Variants in OGDH observed in about 807,000 individuals in gnomAD.
The protein encoded by OGDH is 2-oxoglutarate dehydrogenase complex component E1.
In OGDH, 38 loss-of-function variants were observed where a neutral mutation model predicts 116.6. That is an observed-to-expected ratio of 0.33 (90% confidence interval 0.25 to 0.43). OGDH has a LOEUF of 0.43. Among genes scored for constraint, OGDH ranks in the 20% least tolerant of loss-of-function variants. The pLI, the probability that OGDH is intolerant of heterozygous loss-of-function variation, is 1.00. For missense variants in OGDH, 825 were observed against 1,357.2 expected (o/e 0.61, Z 6.16); for synonymous variants, 488 against 533.3 (o/e 0.92, Z 1.17).
At chr7:44,637,818 CA>C (rs59064314) in intron 2 of OGDH, among the ~76,000 whole-genome samples, 2,942 of 117,660 alleles carry the variant, frequency 0.025, 77 homozygotes, top group African/African-American at 0.075. Context: ...GACTCTGTCT[CA>C]AAAAAAAAAA....
intron 2 of OGDH, among the ~76,000 whole-genome samples, chr7:44,639,071 G>A (rs1785803258): frequency 6.6e-6 from 1 of 152,192 alleles, no homozygotes; most frequent in Non-Finnish European, 1.5e-5. Context: ...AAGAAGGGTA[G>A]CTGCCAGGCC....
rs371665967 is a variant in OGDH at position 44,691,981 on chromosome 7, TAAA to T, written c.1336-1822_1336-1820del. The stretch of plus-strand genomic sequence containing the variant: ...TGGGAGTCACAATGAGACTCTGTCT[TAAA>T]AAAAAAAAAAAAAAAAAAAAAGTTT... On this transcript the variant is annotated intron_variant, in intron 10 of 22. Coordinates refer to ENST00000222673, the MANE Select transcript of OGDH (RefSeq NM_002541.4). Among the ~76,000 whole-genome samples, 508 of 102,594 alleles carry T rather than the reference TAAA, an allele frequency of 5.0e-3. 2 individuals carry two copies. Among genetic ancestry groups the T allele is most frequent in the African/African-American group, 0.013 (290 of 22,758 alleles). 67.3% of individuals were successfully genotyped at this position (102,594 alleles called of 152,430 possible).
Position 44,708,692 on chromosome 7 carries a change from G to A in OGDH, c.*693G>A, listed in dbSNP as rs1789194608. 1 of 152,246 alleles carries A rather than the reference G, an allele frequency of 6.6e-6. No individual in the cohort carries two copies. The highest frequency in any genetic ancestry group is 2.1e-4 in the South Asian group (1 of 4,832). The allele number at this position is 152,246 out of a possible 1,614,324, so 9.4% of individuals were successfully genotyped here. A position where few individuals can be genotyped will look rare whatever the true frequency, so the allele number is the denominator to read the frequency against. On this transcript the variant is annotated 3_prime_UTR_variant, in exon 23 of 23. Coordinates refer to ENST00000222673, the MANE Select transcript of OGDH (RefSeq NM_002541.4). ...CCAGGCAGCACCTGGAGCCCACAGAGTCTGTGTGTAGCCAGGAAGCCCCGC... is the reference window on the plus strand; with the variant it reads ...CCAGGCAGCACCTGGAGCCCACAGAATCTGTGTGTAGCCAGGAAGCCCCGC...
intron 10 of OGDH, among the ~76,000 whole-genome samples, chr7:44,692,883 A>T (rs1024310157): frequency 1.6e-4 from 24 of 152,118 alleles, no homozygotes; most frequent in Admixed American, 1.4e-3. Flanking sequence ...AAAAAAATTT[A>T]AAAATTAGCT....
chr7:44,668,308 G>C lies in OGDH; in HGVS notation c.633+1457G>C, dbSNP rs146769482. Among the ~76,000 whole-genome samples the C allele has an allele frequency of 5.8e-3, 876 of 152,224 alleles. 10 individuals are homozygous for C. The highest frequency in any genetic ancestry group is 0.019 in the African/African-American group (799 of 41,534). ...AAAAATTAGCGGGGTGTGATGGTGG[G>C]CTCCTGTAATCCCAGCTACATGGGA... On this transcript the variant is annotated intron_variant, in intron 5 of 22. Coordinates refer to ENST00000222673, the MANE Select transcript of OGDH (RefSeq NM_002541.4).
intron 1 of OGDH, among the ~76,000 whole-genome samples, chr7:44,618,621 C>T (rs1225897906): frequency 6.6e-6 from 1 of 152,182 alleles, no homozygotes; most frequent in African/African-American, 2.4e-5. Context: ...CAAACAGCTT[C>T]AGAGTGATAA....
intron 3 of OGDH, 124 bp from the exon 4 acceptor site, chr7:44,647,533 G>A: frequency 6.5e-7 from 1 of 1,545,594 alleles, no homozygotes; most frequent in South Asian, 1.2e-5. Context: ...CTTCAAACGT[G>A]GGTGAGAATT....
In OGDH at chr7:44,694,376, C is replaced by T. The variant is rs1386847556; in HGVS notation, c.1516-48C>T. 6.2e-7 allele frequency: 1 copy of T among 1,603,668 alleles called. No homozygotes were observed. The highest frequency in any genetic ancestry group is 1.1e-5 in the South Asian group (1 of 90,246). On this transcript the variant is annotated intron_variant, in intron 11 of 22. Coordinates refer to ENST00000222673, the MANE Select transcript of OGDH (RefSeq NM_002541.4). This position sits in a 1 kb window ranked among gnomAD's most constrained non-coding sequence, Gnocchi z 4.2. Reference sequence around the variant, plus strand: ...GCAGGTGCCTGAACAGCACTTCTTCCCAAGGGGCCAGCCCTTGTCTCTGAC... The same window carrying T: ...GCAGGTGCCTGAACAGCACTTCTTCTCAAGGGGCCAGCCCTTGTCTCTGAC...
intron 20 of OGDH, among the ~76,000 whole-genome samples, chr7:44,705,273 C>T (rs1017307279): frequency 5.5e-5 from 8 of 145,700 alleles, no homozygotes; most frequent in Admixed American, 4.1e-4. Flanking sequence ...GGGATGGTCT[C>T]GATCTCCTGA....
intron 5 of OGDH, among the ~76,000 whole-genome samples, chr7:44,671,591 G>A (rs1371935708): frequency 2.7e-5 from 4 of 150,256 alleles, no homozygotes; most frequent in South Asian, 4.2e-4. Context: ...GTGAAACCCC[G>A]TCTCTACTAA....
rs61756584 is a variant in OGDH, at chr7:44,707,990, C to T, written c.3063C>T (p.Asn1021=). ...DTAFDLDVFK[N]FS ...CCTTCGACCTGGACGTCTTCAAGAA[C>T]TTCTCGTAGATGCTGCCTAGGGTTG... Residue 1021 remains asparagine, a synonymous_variant, in exon 23 of 23, where the codon AAC becomes AAT. Coordinates refer to ENST00000222673, the MANE Select transcript of OGDH (RefSeq NM_002541.4). This position sits in a 1 kb window ranked among gnomAD's most constrained non-coding sequence, Gnocchi z 5.2. 77,402 of 1,612,944 alleles carry T rather than the reference C, an allele frequency of 0.048. 2,142 individuals are homozygous for T. Among genetic ancestry groups the T allele is most frequent in the Middle Eastern group, 0.096 (579 of 6,062 alleles).
At chr7:44,693,426 G>T (rs1017065622) in intron 10 of OGDH, among the ~76,000 whole-genome samples, 8 of 152,020 alleles carry the variant, frequency 5.3e-5, no homozygotes, top group African/African-American at 1.9e-4. Flanking sequence ...GGGCAACATG[G>T]TGAGACCCTA....
chr7:44,656,332 A>G (rs1360492335), intron 4 of OGDH: 1 of 1,536,016 alleles, frequency 6.5e-7, no homozygotes, highest in South Asian at 1.2e-5. Context: ...TGCAGTTTTC[A>G]AGGAACGACT....
chr7:44,651,560 G>GTTT (rs1585290086), intron 4 of OGDH, among the ~76,000 whole-genome samples: 1 of 152,108 alleles, frequency 6.6e-6, no homozygotes, highest in Admixed American at 6.6e-5. Context: ...AGGGCCAGTG[G>GTTT]TTTATTATTA....
chr7:44,670,796 G>A (rs1204833412), intron 5 of OGDH, among the ~76,000 whole-genome samples: 1 of 151,922 alleles, frequency 6.6e-6, no homozygotes, highest in African/African-American at 2.4e-5. Context: ...GAATCACGAG[G>A]TCAGGAGATC....
intron 5 of OGDH, among the ~76,000 whole-genome samples, chr7:44,672,851 C>G (rs1416456964): frequency 6.6e-6 from 1 of 152,048 alleles, no homozygotes; most frequent in Non-Finnish European, 1.5e-5. Flanking sequence ...CCATATTGGT[C>G]AGGCTGGTCT....
intron 2 of OGDH, among the ~76,000 whole-genome samples, chr7:44,641,592 C>T (rs1585269054): frequency 1.3e-5 from 2 of 152,272 alleles, no homozygotes; most frequent in African/African-American, 2.4e-5. Context: ...GGGATACAGC[C>T]AGACTGACTC....
In OGDH at chr7:44,675,410, A is replaced by G. The variant is rs1277231273; in HGVS notation, c.1026+142A>G. The G allele has an allele frequency of 3.1e-5, 23 of 734,346 alleles. No homozygotes were observed. The South Asian group carries it at 3.7e-4, about 12-fold the overall frequency. The allele number at this position is 734,346 out of a possible 1,614,324, so 45.5% of individuals were successfully genotyped here. ...TTGCCTTCCTTGTTGGGAGAATTTT[A>G]GTGTTGGGACAAAGGTGGCCAGTGG... On this transcript the variant is annotated intron_variant, in intron 8 of 22. Transcript: ENST00000222673.
Position 44,676,334 on chromosome 7 carries a change from T to C in OGDH, c.1206+185T>C, listed in dbSNP as rs1268512713. 91 of 1,351,364 alleles carry C rather than the reference T, an allele frequency of 6.7e-5. No individual in the cohort carries two copies. The Middle Eastern group carries it at 1.3e-3, about 19-fold the overall frequency. 83.7% of individuals were successfully genotyped at this position (1,351,364 alleles called of 1,614,324 possible). ...ACTTTGGGAGGCCGAGGTGGGCAGA[T>C]CACCTGAGTTCGGGAGTTGGAGACC... On this transcript the variant is annotated intron_variant, in intron 9 of 22. Coordinates refer to ENST00000222673, the MANE Select transcript of OGDH (RefSeq NM_002541.4).
Sources: gnomAD v4.1 joint callset for allele counts (sites outside exome capture counted in the v4.1 genomes callset) on GRCh38, gnomAD v4.1.1 for gene constraint, Gnocchi (gnomAD v3.1) non-coding constraint, MANE v1.5 for transcripts, NCBI Gene and HGNC (gene_info 2026-07-23, HGNC 2026-07-21) for gene names.